EPN2: variants seen among roughly 807,000 people sequenced by gnomAD.
EPN2 encodes the protein epsin 2.
In EPN2, 34 loss-of-function variants were observed where a neutral mutation model predicts 61.7. The ratio of observed to expected loss-of-function variants is 0.55; its 90% CI spans 0.42 to 0.73. The LOEUF (loss-of-function observed/expected upper bound fraction) is 0.73. Among genes scored for constraint, EPN2 ranks in the 30% least tolerant of loss-of-function variants. The probability of loss-of-function intolerance (pLI) is 0.00; values close to 1 mark genes in which losing one functional copy is unlikely to be tolerated. For synonymous variants in EPN2, 349 were observed against 353.6 expected (o/e 0.99, Z 0.15); for missense variants, 714 against 839.2 (o/e 0.85, Z 1.84).
At chr17:19,308,296 A>G in intron 4 of EPN2, 1 of 846,146 alleles carries the variant, frequency 1.2e-6, no homozygotes, top group Non-Finnish European at 1.4e-6. Flanking sequence ...CTTGTCTAGA[A>G]CTCCTGGCCT....
intron 1 of EPN2, among the ~76,000 whole-genome samples, chr17:19,278,154 T>C (rs1308138714): frequency 6.6e-6 from 1 of 152,112 alleles, no homozygotes; most frequent in East Asian, 1.9e-4. Context: ...TATTTATTTA[T>C]TTTTAGAGAC....
intron 1 of EPN2, among the ~76,000 whole-genome samples, chr17:19,244,196 C>T (rs960394277): frequency 1.3e-5 from 2 of 152,144 alleles, no homozygotes; most frequent in Non-Finnish European, 2.9e-5. Context: ...TGCAGTGGCT[C>T]ATGCTTGTAA....
intron 4 of EPN2, 71 bp from the exon 5 acceptor site, chr17:19,309,814 C>T: frequency 8.1e-7 from 1 of 1,239,342 alleles, no homozygotes; most frequent in Admixed American, 1.7e-5. Flanking sequence ...TGTGGTCTGC[C>T]CAGGAAACTG....
intron 4 of EPN2, among the ~76,000 whole-genome samples, chr17:19,290,512 C>T (rs2045452424): frequency 2.0e-5 from 3 of 152,066 alleles, no homozygotes; most frequent in African/African-American, 7.2e-5. Flanking sequence ...GCCAGATCTT[C>T]TGCCTTGGCT....
chr17:19,251,902 A>G (rs147227854), intron 1 of EPN2, among the ~76,000 whole-genome samples: 51 of 152,292 alleles, frequency 3.3e-4, no homozygotes, highest in South Asian at 2.5e-3. Flanking sequence ...ACCCAAGTCT[A>G]AACGTGAAAT....
chr17:19,298,252 T>C (rs2045540133), intron 4 of EPN2, among the ~76,000 whole-genome samples: 1 of 152,204 alleles, frequency 6.6e-6, no homozygotes, highest in Non-Finnish European at 1.5e-5. Flanking sequence ...TGGAGTGCAA[T>C]GGCACGATTT....
chr17:19,290,774 C>G (rs560496941), intron 4 of EPN2, among the ~76,000 whole-genome samples: 14 of 149,872 alleles, frequency 9.3e-5, no homozygotes, highest in African/African-American at 3.4e-4. Flanking sequence ...TTCTGATTCA[C>G]TCAAGTGAAT....
chr17:19,288,272 C>G (rs777901099), intron 4 of EPN2, among the ~76,000 whole-genome samples: 1 of 152,236 alleles, frequency 6.6e-6, no homozygotes, highest in South Asian at 2.1e-4. Flanking sequence ...GCCCTCTGCT[C>G]TGTATTTATT....
chr17:19,321,653 A>G (rs1906641850), intron 7 of EPN2, among the ~76,000 whole-genome samples: 1 of 152,052 alleles, frequency 6.6e-6, no homozygotes, highest in African/African-American at 2.4e-5. Context: ...GGGGAGTGAG[A>G]TATTGTGCAG....
chr17:19,329,316 A>G, intron 8 of EPN2: 1 of 485,252 alleles, frequency 2.1e-6, no homozygotes, highest in Non-Finnish European at 3.6e-6. Flanking sequence ...TGAGGGTGTT[A>G]GAAGCAGTAG....
In EPN2 at chr17:19,334,095, T is replaced by C; in HGVS notation, c.1767T>C (p.Ala589=). 3.1e-6 allele frequency: 5 copies of C among 1,609,376 alleles called. No homozygotes were observed. The highest frequency in any genetic ancestry group is 4.2e-6 in the Non-Finnish European group (5 of 1,177,972). ...CTGGCCCAGGAGTGGAGTCCATGGC[T>C]GTGGCCTCGATGACCTCCGCGGCCC... The part of the protein sequence containing the change: ...FGPGPGVESM[A]VASMTSAAPQ... Residue 589 remains alanine, a synonymous_variant, in exon 11 of 11, where the codon GCT becomes GCC. Transcript: ENST00000314728. The surrounding 1 kb of genome is among the most constrained non-coding windows in gnomAD (Gnocchi z 4.9).
intron 1 of EPN2, among the ~76,000 whole-genome samples, chr17:19,267,352 G>A (rs553254242): frequency 1.1e-3 from 169 of 152,084 alleles, no homozygotes; most frequent in South Asian, 6.4e-3. Context: ...AAAAAACCCC[G>A]TTGAATCGTA....
chr17:19,330,691 C>A, intron 9 of EPN2: 1 of 152,444 alleles, frequency 6.6e-6, no homozygotes, highest in Non-Finnish European at 1.5e-5. Flanking sequence ...TGTTACATGT[C>A]AGCTTTTGAA....
chr17:19,270,822 A>C (rs1240818190), intron 1 of EPN2, among the ~76,000 whole-genome samples: 1 of 152,208 alleles, frequency 6.6e-6, no homozygotes, highest in African/African-American at 2.4e-5. Flanking sequence ...GTGGATTCTC[A>C]GGCCCCGTGG....
intron 4 of EPN2, among the ~76,000 whole-genome samples, chr17:19,288,667 G>A (rs1469216618): frequency 6.6e-6 from 1 of 152,218 alleles, no homozygotes; most frequent in Admixed American, 6.5e-5. Context: ...GCGTGGCAGA[G>A]GTGGGCCTGG....
At chr17:19,305,163 C>T (rs1905773322) in intron 4 of EPN2, among the ~76,000 whole-genome samples, 1 of 150,866 alleles carries the variant, frequency 6.6e-6, no homozygotes, top group African/African-American at 2.4e-5. Flanking sequence ...GCTCTGTTGC[C>T]CAGGCTGGAG....
intron 1 of EPN2, among the ~76,000 whole-genome samples, chr17:19,276,849 A>G (rs1597988567): frequency 7.3e-6 from 1 of 137,540 alleles, no homozygotes; most frequent in Admixed American, 7.1e-5. Flanking sequence ...TGTTTTGACA[A>G]CCCTCCCACC....
At chr17:19,254,603 G>A (rs2045054133) in intron 1 of EPN2, among the ~76,000 whole-genome samples, 1 of 151,998 alleles carries the variant, frequency 6.6e-6, no homozygotes, top group Non-Finnish European at 1.5e-5. Context: ...AGTATGTAAG[G>A]GACTTAGAGG....
intron 4 of EPN2, among the ~76,000 whole-genome samples, chr17:19,295,556 A>G (rs1432552584): frequency 1.3e-5 from 2 of 152,160 alleles, no homozygotes; most frequent in Admixed American, 1.3e-4. Context: ...AAGAAAAGAA[A>G]AAATACATTT....
Sources: allele counts gnomAD v4.1 joint callset (sites outside exome capture counted in the v4.1 genomes callset), GRCh38; gene constraint gnomAD v4.1.1; non-coding constraint Gnocchi (gnomAD v3.1); transcripts MANE v1.5; gene names NCBI Gene and HGNC (gene_info 2026-07-23, HGNC 2026-07-21).